The following SRRM3 variants were observed in gnomAD, a reference collection of about 807,000 sequenced individuals.
The protein encoded by SRRM3 is serine/arginine repetitive matrix protein 3.
In SRRM3, 27 loss-of-function variants were observed where a neutral mutation model predicts 66.2. The ratio of observed to expected loss-of-function variants is 0.41; its 90% CI spans 0.30 to 0.56. SRRM3 has a LOEUF of 0.56. SRRM3 is among the 20% of genes least tolerant of loss of function. The probability of loss-of-function intolerance (pLI) is 0.32; values close to 1 mark genes in which losing one functional copy is unlikely to be tolerated. For synonymous variants in SRRM3, 391 were observed against 414.9 expected, an observed-to-expected ratio of 0.94 and a Z score of 0.70; for missense variants, 918 against 991.9, an observed-to-expected ratio of 0.93 and a Z score of 1.00.
Position 76,267,321 on chromosome 7 carries a change from G to T in SRRM3, c.894G>T (p.Arg298=), listed in dbSNP as rs2117078411. 2.6e-6 allele frequency: 4 copies of T among 1,546,052 alleles called. No individual in the cohort carries two copies. The highest frequency in any genetic ancestry group is 2.1e-5 in the Admixed American group (1 of 48,364). The change falls in exon 11 of 15, where the codon CGG becomes CGT. Residue 298 remains arginine (R), a synonymous_variant. Transcript: ENST00000611745. ...KTGSQRSSGS[R]SPSPSGGSGW... Reference sequence around the variant, plus strand: ...GCAGCCAGCGGTCCAGCGGAAGCCGGTCGCCTTCCCCGTCGGGCGGCAGCG... The same window carrying T: ...GCAGCCAGCGGTCCAGCGGAAGCCGTTCGCCTTCCCCGTCGGGCGGCAGCG...
At chr7:76,261,722 G>T in intron 8 of SRRM3, 141 bp downstream of exon 8, 2 of 946,266 alleles carry the variant, frequency 2.1e-6, no homozygotes, top group East Asian at 5.3e-5. Flanking sequence ...GCCAGGCTGC[G>T]GGGACAGGGC....
At chr7:76,241,128 C>T (rs1010884883) in intron 2 of SRRM3, among the ~76,000 whole-genome samples, 41 of 152,162 alleles carry the variant, frequency 2.7e-4, no homozygotes, top group African/African-American at 9.2e-4. Flanking sequence ...AACTCCTGAC[C>T]TCAAGTGATC....
intron 1 of SRRM3, among the ~76,000 whole-genome samples, chr7:76,232,946 G>A (rs782033342): frequency 6.6e-6 from 1 of 152,004 alleles, no homozygotes; most frequent in Non-Finnish European, 1.5e-5. Context: ...CATGGAGGGA[G>A]GAGCTTGGGT....
At chr7:76,224,415 A>G (rs1800803743) in intron 1 of SRRM3, among the ~76,000 whole-genome samples, 1 of 132,124 alleles carries the variant, frequency 7.6e-6, no homozygotes, top group Admixed American at 9.7e-5. Context: ...GTCTAACATC[A>G]TTCTCTTCAT....
chr7:76,267,829 G>C, intron 11 of SRRM3: 1 of 174,420 alleles, frequency 5.7e-6, no homozygotes, highest in South Asian at 2.0e-4. Flanking sequence ...GGCAGGAGCA[G>C]GATTCGAGAG....
chr7:76,215,460 A>G (rs541545036), intron 1 of SRRM3, among the ~76,000 whole-genome samples: 17 of 133,584 alleles, frequency 1.3e-4, no homozygotes, highest in Non-Finnish European at 2.1e-4. Context: ...GGAGTGCAGT[A>G]GTGTAATCAT....
intron 2 of SRRM3, among the ~76,000 whole-genome samples, chr7:76,242,227 G>A (rs1482267160): frequency 6.6e-6 from 1 of 152,098 alleles, no homozygotes; most frequent in Non-Finnish European, 1.5e-5. Context: ...GCTCACGCCT[G>A]TAATCCCAGC....
chr7:76,241,676 G>A (rs1055261420), intron 2 of SRRM3, among the ~76,000 whole-genome samples: 5 of 151,960 alleles, frequency 3.3e-5, no homozygotes, highest in African/African-American at 9.7e-5. Flanking sequence ...GCTGATTTCT[G>A]TATTTTTAGC....
chr7:76,239,427 G>A (rs1801228665), intron 2 of SRRM3, among the ~76,000 whole-genome samples: 1 of 152,156 alleles, frequency 6.6e-6, no homozygotes, highest in South Asian at 2.1e-4. Flanking sequence ...CAGCCGCTGT[G>A]GCTCATGCCT....
At position 76,265,892 on chromosome 7, in the gene SRRM3, G is replaced by A. The variant is rs1185051030; in HGVS notation, c.830+424G>A. ...TTTTTTTTTTTTTTTTTTTTGAGACGGAGTCTCGCTCTGTCGCCCAGGCTG... is the reference window on the plus strand; with the variant it reads ...TTTTTTTTTTTTTTTTTTTTGAGACAGAGTCTCGCTCTGTCGCCCAGGCTG... On this transcript the variant is annotated intron_variant, in intron 10 of 14. Coordinates refer to ENST00000611745, the MANE Select transcript of SRRM3 (RefSeq NM_001110199.3). Among the ~76,000 whole-genome samples, 2 of 19,232 alleles carry A rather than the reference G, an allele frequency of 1.0e-4. 1 individual carries two copies. Among genetic ancestry groups the A allele is most frequent in the South Asian group, 3.2e-3 (2 of 628 alleles). 12.6% of individuals were successfully genotyped at this position (19,232 alleles called of 152,430 possible). A position where few individuals can be genotyped will look rare whatever the true frequency, so the allele number is the denominator to read the frequency against.
intron 11 of SRRM3, among the ~76,000 whole-genome samples, chr7:76,281,174 T>G (rs1171311401): frequency 6.6e-6 from 1 of 150,728 alleles, no homozygotes; most frequent in Admixed American, 6.6e-5. Flanking sequence ...TTCTTCTCTC[T>G]GTCTTTCCTC....
At chr7:76,247,348 C>T (rs920947536) in intron 2 of SRRM3, among the ~76,000 whole-genome samples, 1 of 151,992 alleles carries the variant, frequency 6.6e-6, no homozygotes, top group Admixed American at 6.6e-5. Flanking sequence ...CCCCCGATAA[C>T]CCCCCTACAA....
intron 3 of SRRM3, among the ~76,000 whole-genome samples, chr7:76,250,881 G>A (rs1225930048): frequency 1.3e-5 from 2 of 152,166 alleles, no homozygotes; most frequent in Admixed American, 6.6e-5. Context: ...GCTCGAGACT[G>A]GATTCATCTC....
At chr7:76,222,611 T>C (rs1377797151) in intron 1 of SRRM3, among the ~76,000 whole-genome samples, 1 of 151,656 alleles carries the variant, frequency 6.6e-6, no homozygotes, top group African/African-American at 2.4e-5. Flanking sequence ...CCATGTTTTG[T>C]TTTGTTTTTT....
intron 2 of SRRM3, among the ~76,000 whole-genome samples, chr7:76,236,029 A>AAAAAAAAAAAAAAC: frequency 7.1e-6 from 1 of 140,910 alleles, no homozygotes. Context: ...AAAAAAAAAA[A>AAAAAAAAAAAAAAC]AGGCCGGGCG....
intron 11 of SRRM3, among the ~76,000 whole-genome samples, chr7:76,272,824 A>G (rs1554610657): frequency 6.6e-6 from 1 of 152,168 alleles, no homozygotes; most frequent in East Asian, 1.9e-4. Flanking sequence ...GTGACCCCCA[A>G]GAAGAGGTGC....
intron 11 of SRRM3, among the ~76,000 whole-genome samples, chr7:76,280,942 AC>A (rs1372824092): frequency 1.5e-5 from 1 of 66,296 alleles, no homozygotes; most frequent in African/African-American, 5.9e-5. Flanking sequence ...CTCTTCCCCC[AC>A]CCCCGTCTCT....
chr7:76,257,899 G>C lies in SRRM3; in HGVS notation c.336-2007G>C, dbSNP rs150319885. Among the ~76,000 whole-genome samples the C allele has an allele frequency of 1.6e-3, 241 of 152,308 alleles. 1 individual carries two copies. The highest frequency in any genetic ancestry group is 5.6e-3 in the African/African-American group (231 of 41,568). On this transcript the variant is annotated intron_variant, in intron 3 of 14. Transcript: ENST00000611745. ...AGAGGCTCACAGAGGGACACGGCAG[G>C]CTCCAGGTCACAAGGCGGCTCAGGA...
intron 1 of SRRM3, among the ~76,000 whole-genome samples, chr7:76,221,529 A>T (rs1800721198): frequency 6.6e-6 from 1 of 150,394 alleles, no homozygotes; most frequent in Admixed American, 6.6e-5. Flanking sequence ...CGCCCAGCTA[A>T]TTTTTCATAT....
Sources: allele counts gnomAD v4.1 joint callset (sites outside exome capture counted in the v4.1 genomes callset), GRCh38; gene constraint gnomAD v4.1.1; transcripts MANE v1.5; gene names NCBI Gene and HGNC (gene_info 2026-07-23, HGNC 2026-07-21).